Variants in F2RL1 observed in about 807,000 individuals in gnomAD.
F2RL1 encodes proteinase-activated receptor 2.
F2RL1 carries 16 observed loss-of-function variants against 21.7 expected under a neutral mutation model. That is an observed-to-expected ratio of 0.74 (90% CI 0.50 to 1.12). The LOEUF is 1.12. Ranked by LOEUF, F2RL1 falls within the 50% of genes most tolerant of loss-of-function variation. F2RL1 has a pLI of 0.00. For missense variants in F2RL1, 432 were observed against 477.8 expected (o/e 0.90, Z 0.89); for synonymous variants, 181 against 186.7 (o/e 0.97, Z 0.25).
At chr5:76,826,745 A>G (rs1285871556) in intron 1 of F2RL1, among the ~76,000 whole-genome samples, 1 of 152,170 alleles carries the variant, frequency 6.6e-6, no homozygotes, top group Non-Finnish European at 1.5e-5. Context: ...ACCTCAGGTG[A>G]TCTGCCTGCC....
intron 1 of F2RL1, among the ~76,000 whole-genome samples, chr5:76,830,425 C>G (rs2150607227): frequency 6.6e-6 from 1 of 152,278 alleles, no homozygotes; most frequent in Middle Eastern, 3.4e-3. Context: ...CTACAGGCGC[C>G]TGCCACCACG....
chr5:76,820,466 T>C (rs1750113047), intron 1 of F2RL1, among the ~76,000 whole-genome samples: 2 of 152,196 alleles, frequency 1.3e-5, no homozygotes, highest in African/African-American at 4.8e-5. Flanking sequence ...AGGGTGTTAA[T>C]GGTGTAAGCT....
At chr5:76,823,958 G>A (rs907536440) in intron 1 of F2RL1, among the ~76,000 whole-genome samples, 3 of 151,388 alleles carry the variant, frequency 2.0e-5, no homozygotes, top group Non-Finnish European at 2.9e-5. Context: ...GACTACAGAC[G>A]CCCGCCACCA....
chr5:76,832,606 T>C (rs549698908), intron 1 of F2RL1, 84 bp from the exon 2 acceptor site: 7 of 1,314,124 alleles, frequency 5.3e-6, no homozygotes, highest in Non-Finnish European at 7.3e-6. Flanking sequence ...AATGAATAAA[T>C]GAATGTACTT....
At chr5:76,830,023 A>G (rs1296036535) in intron 1 of F2RL1, among the ~76,000 whole-genome samples, 5 of 152,204 alleles carry the variant, frequency 3.3e-5, no homozygotes, top group African/African-American at 1.2e-4. Flanking sequence ...CCATAAACTG[A>G]TGATGTAAAA....
chr5:76,830,971 C>A (rs1750339816), intron 1 of F2RL1, among the ~76,000 whole-genome samples: 3 of 151,986 alleles, frequency 2.0e-5, no homozygotes, highest in Admixed American at 2.0e-4. Flanking sequence ...GCAAGTATTG[C>A]CCTGTCTTCT....
intron 1 of F2RL1, among the ~76,000 whole-genome samples, chr5:76,824,163 C>A (rs1228076385): frequency 6.2e-5 from 9 of 145,682 alleles, no homozygotes; most frequent in Non-Finnish European, 1.4e-4. Flanking sequence ...CACCACACCC[C>A]CCCCCCCTTT....
intron 1 of F2RL1, 100 bp downstream of exon 1, chr5:76,819,364 C>A (rs1436548405): frequency 1.0e-6 from 1 of 981,128 alleles, no homozygotes; most frequent in African/African-American, 1.7e-5. Flanking sequence ...GAAGGCTGTT[C>A]TGCTGCCGGC....
Position 76,832,751 on chromosome 5 carries a change from C to T in F2RL1, c.144C>T (p.Val48=), listed in dbSNP as rs1448513135. The change falls in exon 2 of 2, where the codon GTC becomes GTT. Residue 48 remains valine (V), a synonymous_variant. Coordinates refer to ENST00000296677, the MANE Select transcript of F2RL1 (RefSeq NM_005242.6). ...GTAAGGTTGATGGCACATCCCACGT[C>T]ACTGGAAAAGGAGTTACAGTTGAAA... ...LIGKVDGTSH[V]TGKGVTVETV... 1 of 1,614,082 alleles carries T rather than the reference C, an allele frequency of 6.2e-7. No individual in the cohort carries two copies. The highest frequency in any genetic ancestry group is 1.3e-5 in the African/African-American group (1 of 74,940).
At chr5:76,822,483 G>T (rs1750156858) in intron 1 of F2RL1, among the ~76,000 whole-genome samples, 1 of 152,168 alleles carries the variant, frequency 6.6e-6, no homozygotes, top group South Asian at 2.1e-4. Context: ...CTCCCAAAGT[G>T]CTGGGATTAT....
rs367729091 is a variant in F2RL1 at position 76,828,063 on chromosome 5, G to A, written c.83-4627G>A. On this transcript the variant is annotated intron_variant, in intron 1 of 1. Coordinates refer to ENST00000296677, the MANE Select transcript of F2RL1 (RefSeq NM_005242.6). ...TGGCTCATTGCAACCTGTGCCTCCC[G>A]GTTCAAATGATTCTCCTGTCTCACC... Among the ~76,000 whole-genome samples the A allele has an allele frequency of 9.3e-5, 14 of 150,808 alleles. No homozygotes were observed. The East Asian group carries it at 1.4e-3, about 15-fold the overall frequency.
chr5:76,833,624 C>T lies in F2RL1; in HGVS notation c.1017C>T (p.Ile339=), dbSNP rs144257769. The T allele has an allele frequency of 3.9e-5, 63 of 1,613,810 alleles. No individual in the cohort carries two copies. In the Middle Eastern group the frequency reaches 9.9e-4, roughly 25 times the overall value. Residue 339 remains isoleucine, a synonymous_variant, in exon 2 of 2, where the codon ATC becomes ATT. Coordinates refer to ENST00000296677, the MANE Select transcript of F2RL1 (RefSeq NM_005242.6). ...ALCLSTLNSC[I]DPFVYYFVSH... is the part of the protein sequence containing the mutation. The stretch of plus-strand genomic sequence containing the variant: ...GCCTCTCTACCCTTAACAGCTGCAT[C>T]GACCCCTTTGTCTATTACTTTGTTT...
rs1383499727 is a variant in F2RL1 at position 76,833,131 on chromosome 5, G to A, written c.524G>A (p.Trp175Ter). Residue 175 changes from tryptophan (W) to a stop codon, truncating the protein, a stop_gained, in exon 2 of 2, where the codon TGG (tryptophan) becomes TAG (stop). Transcript: ENST00000296677. LOFTEE classifies it high-confidence loss of function. Reference protein sequence around the residue: ...FMTCLSVQRYWVIVNPMGHSR... With the variant: ...FMTCLSVQRY ...ACCTGCCTCAGTGTGCAGAGGTATT[G>A]GGTCATCGTGAACCCCATGGGGCAC... The A allele has an allele frequency of 1.2e-6, 2 of 1,614,186 alleles. No homozygotes were observed. Among genetic ancestry groups the A allele is most frequent in the Non-Finnish European group, 1.7e-6 (2 of 1,180,026 alleles).
intron 1 of F2RL1, among the ~76,000 whole-genome samples, chr5:76,832,281 T>G (rs2150607874): frequency 6.6e-6 from 1 of 152,182 alleles, no homozygotes; most frequent in East Asian, 1.9e-4. Context: ...TGTAATCCTC[T>G]AATAGTACAT....
intron 1 of F2RL1, among the ~76,000 whole-genome samples, chr5:76,823,422 G>A (rs1173842482): frequency 6.8e-6 from 1 of 146,218 alleles, no homozygotes; most frequent in East Asian, 2.0e-4. Flanking sequence ...CCAGGCTGGA[G>A]GGCTGGAGTG....
chr5:76,819,512 C>T (rs189709538), intron 1 of F2RL1, among the ~76,000 whole-genome samples: 1 of 152,238 alleles, frequency 6.6e-6, no homozygotes, highest in African/African-American at 2.4e-5. Context: ...TCCCCAAAGA[C>T]CCCACTTCCC....
rs1750392428 is a variant in F2RL1, at chr5:76,833,446, A to G, written c.839A>G (p.Lys280Arg). The G allele has an allele frequency of 1.2e-6, 2 of 1,613,788 alleles. No individual in the cohort carries two copies. The highest frequency in any genetic ancestry group is 1.7e-5 in the Admixed American group (1 of 59,956). The change falls in exon 2 of 2, where the codon AAG becomes AGG. Residue 280 changes from lysine to arginine, a missense_variant. Lys to Arg is a conservative substitution (Grantham distance 26). Transcript: ENST00000296677. ...TCTGCCATGGATGAAAACTCAGAGA[A>G]GAAAAGGAAGAGGGCCATCAAACTC... ...RSSAMDENSE[K>R]KRKRAIKLIV...
chr5:76,823,106 T>A (rs937730522), intron 1 of F2RL1, among the ~76,000 whole-genome samples: 2 of 151,790 alleles, frequency 1.3e-5, no homozygotes, highest in Non-Finnish European at 2.9e-5. Flanking sequence ...GGCGGGCGCC[T>A]GTAGTCCCAG....
intron 1 of F2RL1, among the ~76,000 whole-genome samples, chr5:76,826,575 G>A (rs1202626175): frequency 2.0e-5 from 3 of 151,150 alleles, no homozygotes; most frequent in African/African-American, 7.3e-5. Context: ...GTGCAGTGGT[G>A]CAATCTCTGC....
Sources: allele counts gnomAD v4.1 joint callset (sites outside exome capture counted in the v4.1 genomes callset), GRCh38; gene constraint gnomAD v4.1.1; transcripts MANE v1.5; gene names NCBI Gene and HGNC (gene_info 2026-07-23, HGNC 2026-07-21).